GABRR2: variants seen among roughly 807,000 people sequenced by gnomAD.
The protein encoded by GABRR2 is gamma-aminobutyric acid type A receptor subunit rho2, also known as gamma-aminobutyric acid receptor subunit rho-2.
A neutral mutation model predicts 47.0 loss-of-function variants in GABRR2; 36 were observed. That is an observed-to-expected ratio of 0.77 (90% CI 0.59 to 1.01). The LOEUF is 1.01. Among genes scored for constraint, GABRR2 ranks in the 50% least tolerant of loss-of-function variants. The pLI is 0.00. For missense variants in GABRR2, 587 were observed against 594.6 expected (o/e 0.99, Z 0.13); for synonymous variants, 204 against 227.5 (o/e 0.90, Z 0.93).
At chr6:89,288,369 G>T (rs1209339809) in intron 2 of GABRR2, among the ~76,000 whole-genome samples, 1 of 152,116 alleles carries the variant, frequency 6.6e-6, no homozygotes, top group Non-Finnish European at 1.5e-5. Flanking sequence ...GAGCAAGGGG[G>T]ATGATGCCAG....
intron 2 of GABRR2, among the ~76,000 whole-genome samples, chr6:89,279,431 GAGAC>G (rs1241045994): frequency 6.6e-6 from 1 of 152,024 alleles, no homozygotes; most frequent in Non-Finnish European, 1.5e-5. Context: ...GTGTGTGACA[GAGAC>G]AGAGAGAGGC....
chr6:89,298,788 G>A lies in GABRR2; in HGVS notation c.220+971C>T, dbSNP rs1035540855. On this transcript the variant is annotated intron_variant, in intron 2 of 8. Transcript: ENST00000402938. ...AATGTGTATGTTGCAATCCTAACCC[G>A]CAATGGGATGGTACTAGGAAGTGGG... Among the ~76,000 whole-genome samples the A allele has an allele frequency of 4.6e-5, 7 of 152,110 alleles. No individual in the cohort carries two copies. The East Asian group carries it at 7.7e-4, about 17-fold the overall frequency.
Position 89,265,643 on chromosome 6 carries a change from G to T in GABRR2, c.859C>A (p.Arg287Ser). 6.8e-6 allele frequency: 11 copies of T among 1,614,098 alleles called. No homozygotes were observed. The highest frequency in any genetic ancestry group is 9.3e-6 in the Non-Finnish European group (11 of 1,180,002). The change falls in exon 7 of 9, where the codon CGC becomes AGC. Residue 287 changes from arginine (R) to serine (S), a missense_variant. Coordinates refer to ENST00000402938, the MANE Select transcript of GABRR2 (RefSeq NM_002043.5). ...GAAACTCTGGCAGGCACAGCTCTGC[G>T]GTCGATCCAGAAGGACACCCAGGAC... Reference protein sequence around the residue: ...MLSWVSFWIDRRAVPARVSLG... With the variant: ...MLSWVSFWIDSRAVPARVSLG...
chr6:89,298,213 G>A (rs1028571641), intron 2 of GABRR2, among the ~76,000 whole-genome samples: 3 of 152,120 alleles, frequency 2.0e-5, no homozygotes, highest in Non-Finnish European at 2.9e-5. Flanking sequence ...CTTCTGCTTA[G>A]CAGGTGTCAG....
At chr6:89,272,859 G>A (rs950699477) in intron 2 of GABRR2, among the ~76,000 whole-genome samples, 1 of 152,178 alleles carries the variant, frequency 6.6e-6, no homozygotes, top group Non-Finnish European at 1.5e-5. Flanking sequence ...CCCACACTGC[G>A]TACGTAGGAA....
chr6:89,273,321 C>A (rs1774093590), intron 2 of GABRR2, among the ~76,000 whole-genome samples: 1 of 152,176 alleles, frequency 6.6e-6, no homozygotes, highest in Non-Finnish European at 1.5e-5. Flanking sequence ...CAACCTCTGC[C>A]TCCCAGGTTT....
At chr6:89,311,919 T>A (rs1767688706) in intron 1 of GABRR2, among the ~76,000 whole-genome samples, 1 of 152,204 alleles carries the variant, frequency 6.6e-6, no homozygotes, top group Non-Finnish European at 1.5e-5. Flanking sequence ...CTCCTTTTCC[T>A]TTGCCAAGAC....
intron 2 of GABRR2, 60 bp downstream of exon 2, chr6:89,299,699 G>A: frequency 7.2e-6 from 8 of 1,107,058 alleles, no homozygotes; most frequent in South Asian, 1.2e-5. Context: ...GCCAGAGAGG[G>A]CAGCACATCA....
At chr6:89,287,591 T>G (rs901385888) in intron 2 of GABRR2, among the ~76,000 whole-genome samples, 10 of 152,222 alleles carry the variant, frequency 6.6e-5, no homozygotes, top group Non-Finnish European at 1.5e-5. Context: ...CAGGCTGCGC[T>G]AAATGCTTCC....
chr6:89,297,412 T>A (rs1301439976), intron 2 of GABRR2, among the ~76,000 whole-genome samples: 2 of 152,122 alleles, frequency 1.3e-5, no homozygotes, highest in Non-Finnish European at 2.9e-5. Flanking sequence ...CCTGGGACAT[T>A]TACTTCACCT....
intron 2 of GABRR2, among the ~76,000 whole-genome samples, chr6:89,271,976 T>C (rs1052674796): frequency 1.3e-5 from 2 of 152,218 alleles, no homozygotes; most frequent in Non-Finnish European, 1.5e-5. Flanking sequence ...ATTGGATGAA[T>C]CAATGAGCTG....
intron 4 of GABRR2, 38 bp downstream of exon 4, chr6:89,268,973 G>T: frequency 6.4e-7 from 1 of 1,571,106 alleles, no homozygotes; most frequent in Non-Finnish European, 8.8e-7. Flanking sequence ...ATACCAGAAA[G>T]GCACTGGACA....
chr6:89,273,676 G>A (rs1364468152), intron 2 of GABRR2, among the ~76,000 whole-genome samples: 1 of 152,242 alleles, frequency 6.6e-6, no homozygotes, highest in Non-Finnish European at 1.5e-5. Flanking sequence ...GAAGGAGGGT[G>A]TGTGGGCAGC....
rs1018153829 is a variant in GABRR2 at position 89,313,598 on chromosome 6, C to T, written c.113+1455G>A. On this transcript the variant is annotated intron_variant, in intron 1 of 8. Transcript: ENST00000402938. ...TGAGGGTTTTGATCTGTTTGCCTTC[C>T]GCTGAGTAGGACTAGGCTCCAGAGA... Among the ~76,000 whole-genome samples, 9 of 149,122 alleles carry T rather than the reference C, an allele frequency of 6.0e-5. No homozygotes were observed. The South Asian group carries it at 1.3e-3, about 21-fold the overall frequency.
intron 1 of GABRR2, among the ~76,000 whole-genome samples, chr6:89,300,171 C>T (rs910226380): frequency 1.3e-5 from 2 of 152,002 alleles, no homozygotes; most frequent in African/African-American, 4.8e-5. Flanking sequence ...GCTAGCTAGA[C>T]TAATAAAGAA....
intron 1 of GABRR2, chr6:89,303,021 C>A: frequency 8.0e-7 from 1 of 1,251,698 alleles, no homozygotes; most frequent in Non-Finnish European, 1.1e-6. Context: ...ACCTGGTGTC[C>A]GAGTACCAGC....
chr6:89,284,072 G>T (rs933411921), intron 2 of GABRR2, among the ~76,000 whole-genome samples: 1 of 152,068 alleles, frequency 6.6e-6, no homozygotes, highest in Admixed American at 6.6e-5. Context: ...AAGAGAGAGG[G>T]TCACATGCTG....
intron 8 of GABRR2, among the ~76,000 whole-genome samples, chr6:89,261,407 A>C (rs1171009958): frequency 1.3e-5 from 2 of 152,210 alleles, no homozygotes; most frequent in African/African-American, 4.8e-5. Context: ...AAACTGATGA[A>C]CTGACCCCCC....
intron 2 of GABRR2, among the ~76,000 whole-genome samples, chr6:89,281,769 C>G (rs1460855900): frequency 6.6e-6 from 1 of 152,136 alleles, no homozygotes; most frequent in Non-Finnish European, 1.5e-5. Flanking sequence ...GTCTCTGCCA[C>G]TAAGCGCTTC....
Sources: gnomAD v4.1 joint callset for allele counts (sites outside exome capture counted in the v4.1 genomes callset) on GRCh38, gnomAD v4.1.1 for gene constraint, MANE v1.5 for transcripts, NCBI Gene and HGNC (gene_info 2026-07-23, HGNC 2026-07-21) for gene names.